The following TRPM3 variants were observed in gnomAD, a reference collection of about 807,000 sequenced individuals.
TRPM3 encodes the protein transient receptor potential cation channel subfamily M member 3.
In TRPM3, 77 loss-of-function variants were observed where a neutral mutation model predicts 181.2. That is an observed-to-expected ratio of 0.42 (90% CI 0.35 to 0.51). TRPM3 has a LOEUF of 0.51. Ranked by LOEUF, TRPM3 falls within the 20% of genes least tolerant of loss-of-function variation. The pLI, the probability that TRPM3 is intolerant of heterozygous loss-of-function variation, is 0.01. For synonymous variants in TRPM3, 745 were observed against 796.4 expected, an observed-to-expected ratio of 0.94 and a Z score of 1.09; for missense variants, 1,759 against 2,196.7, an observed-to-expected ratio of 0.80 and a Z score of 3.98.
At chr9:71,292,708 A>G (rs2085919849) in intron 1 of TRPM3, among the ~76,000 whole-genome samples, 1 of 151,960 alleles carries the variant, frequency 6.6e-6, no homozygotes, top group Admixed American at 6.6e-5. Flanking sequence ...AGCAAGTTCT[A>G]TGAACCTTCA....
chr9:71,248,713 CTT>C (rs1413281765), intron 1 of TRPM3, among the ~76,000 whole-genome samples: 1 of 152,164 alleles, frequency 6.6e-6, no homozygotes, highest in African/African-American at 2.4e-5. Context: ...AGCCAAGACA[CTT>C]TTAACAGAGC....
At chr9:71,036,847 G>T (rs1474783070) in intron 1 of TRPM3, among the ~76,000 whole-genome samples, 1 of 152,168 alleles carries the variant, frequency 6.6e-6, no homozygotes, top group Non-Finnish European at 1.5e-5. Context: ...CAGATCAAGA[G>T]ACACATGTAC....
chr9:70,597,013 C>T (rs2059140599), intron 21 of TRPM3, among the ~76,000 whole-genome samples: 1 of 152,102 alleles, frequency 6.6e-6, no homozygotes. Flanking sequence ...TGGCTCACCG[C>T]AACCTTGCCT....
At chr9:71,418,047 T>TA (rs1170321529) in intron 1 of TRPM3, among the ~76,000 whole-genome samples, 1 of 151,536 alleles carries the variant, frequency 6.6e-6, no homozygotes, top group Non-Finnish European at 1.5e-5. Context: ...TGAAAATCAT[T>TA]TTTTTAAAGG....
chr9:71,170,000 CAAAAAAAAA>C (rs34087746), intron 1 of TRPM3, among the ~76,000 whole-genome samples: 6 of 77,168 alleles, frequency 7.8e-5, no homozygotes, highest in African/African-American at 9.8e-5. Flanking sequence ...GACTCTGTCT[CAAAAAAAAA>C]AAAAAAAAAA....
At chr9:70,755,307 T>C (rs1385653605) in intron 8 of TRPM3, among the ~76,000 whole-genome samples, 3 of 151,242 alleles carry the variant, frequency 2.0e-5, no homozygotes, top group African/African-American at 7.3e-5. Flanking sequence ...CCCATCAGAC[T>C]AACAGAAGAT....
At chr9:71,041,581 G>A (rs1427894417) in intron 1 of TRPM3, among the ~76,000 whole-genome samples, 3 of 152,068 alleles carry the variant, frequency 2.0e-5, no homozygotes, top group Non-Finnish European at 4.4e-5. Flanking sequence ...ATAGAAAAAG[G>A]CTGTTATTTC....
intron 19 of TRPM3, among the ~76,000 whole-genome samples, chr9:70,605,443 A>AC (rs773154499): frequency 7.9e-5 from 12 of 151,166 alleles, no homozygotes; most frequent in South Asian, 2.1e-4. Context: ...GTGCTGGCAC[A>AC]CCCCCACCCC....
At chr9:71,138,252 C>T (rs1289855327) in intron 1 of TRPM3, among the ~76,000 whole-genome samples, 1 of 152,160 alleles carries the variant, frequency 6.6e-6, no homozygotes, top group South Asian at 2.1e-4. Flanking sequence ...TATCAAAGGT[C>T]TCTATGGCAA....
At chr9:70,891,298 G>C (rs1486681601) in intron 1 of TRPM3, among the ~76,000 whole-genome samples, 3 of 152,116 alleles carry the variant, frequency 2.0e-5, no homozygotes, top group Non-Finnish European at 4.4e-5. Context: ...TAACTGTATG[G>C]AGAGTGAGGG....
chr9:70,743,364 A>G (rs1421026845), intron 8 of TRPM3, among the ~76,000 whole-genome samples: 4 of 152,146 alleles, frequency 2.6e-5, no homozygotes, highest in Non-Finnish European at 4.4e-5. Context: ...CCCCTTTGAA[A>G]CTTTTATTTA....
chr9:70,563,622 G>C (rs2049732783), intron 22 of TRPM3, among the ~76,000 whole-genome samples: 1 of 152,132 alleles, frequency 6.6e-6, no homozygotes, highest in East Asian at 1.9e-4. Context: ...AGAGACTTAA[G>C]TTAGATGATG....
chr9:70,777,335 A>G (rs2081554979), intron 7 of TRPM3, among the ~76,000 whole-genome samples: 1 of 152,130 alleles, frequency 6.6e-6, no homozygotes, highest in Admixed American at 6.6e-5. Context: ...GGCACTGATG[A>G]GCCAATTTAG....
chr9:70,927,273 T>C lies in TRPM3; in HGVS notation c.178-62762A>G, dbSNP rs896447301. ...TTAAATTTTTATGGAAATTCAAATT[T>C]ACTTTTCACACTTTCATGTTCTGGA... On this transcript the variant is annotated intron_variant, in intron 1 of 25. Transcript: ENST00000677713. 7.2e-5 allele frequency among the ~76,000 whole-genome samples: 11 copies of C among 152,324 alleles called. No homozygotes were observed. In the South Asian group the frequency reaches 2.1e-3, roughly 29 times the overall value.
At chr9:70,608,404 C>G (rs116441747) in intron 19 of TRPM3, among the ~76,000 whole-genome samples, 2 of 150,278 alleles carry the variant, frequency 1.3e-5, no homozygotes, top group African/African-American at 4.9e-5. Context: ...AAACCATTCT[C>G]AGTTCGCAGG....
At position 71,006,313 on chromosome 9, in the gene TRPM3, A is replaced by G. The variant is rs920610606; in HGVS notation, c.177+114865T>C. Among the ~76,000 whole-genome samples the G allele has an allele frequency of 3.3e-5, 5 of 152,196 alleles. No individual in the cohort carries two copies. In the East Asian group the frequency reaches 9.6e-4, roughly 29 times the overall value. On this transcript the variant is annotated intron_variant, in intron 1 of 25. Coordinates refer to ENST00000677713, the MANE Select transcript of TRPM3 (RefSeq NM_001366145.2). ...TACAAAACACCATAAAGCAAGCAAC[A>G]AAATGGCAGTAGAAAACCCGTACTT...
At chr9:70,828,651 A>G (rs953742692) in intron 5 of TRPM3, among the ~76,000 whole-genome samples, 1 of 151,490 alleles carries the variant, frequency 6.6e-6, no homozygotes, top group Non-Finnish European at 1.5e-5. Flanking sequence ...TTTTAATTTC[A>G]TGGTGAATTA....
intron 1 of TRPM3, among the ~76,000 whole-genome samples, chr9:71,056,046 C>T (rs1170880820): frequency 6.6e-6 from 1 of 151,898 alleles, no homozygotes; most frequent in East Asian, 1.9e-4. Flanking sequence ...AATTATCATC[C>T]CAATTTTACA....
intron 3 of TRPM3, among the ~76,000 whole-genome samples, chr9:70,855,017 T>A (rs543684808): frequency 6.6e-6 from 1 of 152,346 alleles, no homozygotes; most frequent in African/African-American, 2.4e-5. Flanking sequence ...GCAGAGGGCA[T>A]CAGTAACTAA....
Sources: gnomAD v4.1 joint callset for allele counts (sites outside exome capture counted in the v4.1 genomes callset) on GRCh38, gnomAD v4.1.1 for gene constraint, MANE v1.5 for transcripts, NCBI Gene and HGNC (gene_info 2026-07-23, HGNC 2026-07-21) for gene names.